APP: variants seen among roughly 807,000 people sequenced by gnomAD.
The protein encoded by APP is amyloid-beta precursor protein.
Under a neutral mutation model 101.4 loss-of-function variants are expected in APP, and 31 were observed. The observed-to-expected ratio is 0.31, with a 90% CI of 0.23 to 0.41. The LOEUF is 0.41. APP is among the 10% of genes least tolerant of loss of function. The pLI is 1.00. For missense variants in APP, 839 were observed against 1,003.7 expected, an observed-to-expected ratio of 0.84 and a Z score of 2.22; for synonymous variants, 366 against 364.4, an observed-to-expected ratio of 1.00 and a Z score of -0.05.
intron 1 of APP, among the ~76,000 whole-genome samples, chr21:26,143,044 T>A (rs564209346): frequency 6.6e-6 from 1 of 152,326 alleles, no homozygotes; most frequent in Non-Finnish European, 1.5e-5. Flanking sequence ...ATAAACAATG[T>A]GGTGGAGTGG....
intron 13 of APP, among the ~76,000 whole-genome samples, chr21:25,951,394 T>C (rs111926107): frequency 8.5e-5 from 13 of 152,226 alleles, no homozygotes; most frequent in African/African-American, 2.9e-4. Flanking sequence ...AAAGCAACTG[T>C]TACCATTATT....
At chr21:26,111,376 T>G (rs543963926) in intron 2 of APP, among the ~76,000 whole-genome samples, 2 of 152,158 alleles carry the variant, frequency 1.3e-5, no homozygotes, top group East Asian at 3.9e-4. Context: ...AGAAAAAAAT[T>G]AATGCTAGCA....
At chr21:25,960,929 C>T (rs944793851) in intron 11 of APP, among the ~76,000 whole-genome samples, 3 of 152,116 alleles carry the variant, frequency 2.0e-5, no homozygotes, top group East Asian at 1.9e-4. Context: ...CTTTGTTGGA[C>T]GGTAGGCAAA....
At chr21:25,953,174 C>T (rs1052019710) in intron 13 of APP, among the ~76,000 whole-genome samples, 2 of 152,158 alleles carry the variant, frequency 1.3e-5, no homozygotes, top group Non-Finnish European at 2.9e-5. Flanking sequence ...CTCAGGTGAT[C>T]TGCTCACCTT....
intron 6 of APP, among the ~76,000 whole-genome samples, chr21:26,015,332 A>C (rs1284341986): frequency 6.6e-6 from 1 of 152,236 alleles, no homozygotes; most frequent in East Asian, 1.9e-4. Flanking sequence ...AATTATGCAA[A>C]GTGTTTCCTA....
At chr21:26,023,834 C>T (rs1306900575) in intron 5 of APP, among the ~76,000 whole-genome samples, 37 of 152,156 alleles carry the variant, frequency 2.4e-4, no homozygotes, top group Non-Finnish European at 1.5e-5. Flanking sequence ...AATACTGATG[C>T]TGGTGGTCAG....
At chr21:26,104,155 G>A (rs1448158576) in intron 2 of APP, among the ~76,000 whole-genome samples, 1 of 152,040 alleles carries the variant, frequency 6.6e-6, no homozygotes, top group Admixed American at 6.6e-5. Context: ...GTTCCATCAC[G>A]GGGGCACATA....
rs531506400 is a variant in APP, at chr21:26,075,959, T to C, written c.355+13984A>G. ...TCCAGGCTGGCGTGCAGTGGCGCGA[T>C]CTCGGCTCACTGCAATCTCCGCTTC... is the stretch of plus-strand genomic sequence containing the variant. On this transcript the variant is annotated intron_variant, in intron 3 of 17. Transcript: ENST00000346798. Among the ~76,000 whole-genome samples the C allele has an allele frequency of 9.4e-4, 143 of 152,312 alleles. 1 individual carries two copies. The highest frequency in any genetic ancestry group is 1.6e-3 in the Non-Finnish European group (108 of 68,032).
At position 25,999,248 on chromosome 21, in the gene APP, C is replaced by T. The variant is rs143625119; in HGVS notation, c.1033+767G>A. ...CGGAGGTTGCAGTGAGCCAAGATCA[C>T]GCCATTGCACTCCAGCCTGTGAGAC... On this transcript the variant is annotated intron_variant, in intron 7 of 17. Transcript: ENST00000346798. Among the ~76,000 whole-genome samples, 828 of 152,134 alleles carry T rather than the reference C, an allele frequency of 5.4e-3. 6 individuals are homozygous for T. Among genetic ancestry groups the T allele is most frequent in the African/African-American group, 0.013 (552 of 41,506 alleles).
At chr21:25,969,839 GAAAAGAAAAGAAAAC>G (rs1163848319) in intron 11 of APP, among the ~76,000 whole-genome samples, 7 of 119,132 alleles carry the variant, frequency 5.9e-5, no homozygotes, top group South Asian at 6.5e-4. Context: ...ACCCTGAAAA[GAAAAGAAAAGAAAAC>G]AAAAGAAAAG....
chr21:25,992,266 T>C (rs1162578564), intron 8 of APP, among the ~76,000 whole-genome samples: 1 of 151,918 alleles, frequency 6.6e-6, no homozygotes, highest in Admixed American at 6.6e-5. Flanking sequence ...CGCCTGTCAT[T>C]CATTCCAGCT....
At chr21:26,135,934 C>T (rs2062888324) in intron 1 of APP, among the ~76,000 whole-genome samples, 1 of 151,668 alleles carries the variant, frequency 6.6e-6, no homozygotes, top group South Asian at 2.1e-4. Flanking sequence ...AAGTTCGAGA[C>T]CAGCCTGAAC....
intron 13 of APP, among the ~76,000 whole-genome samples, chr21:25,914,044 T>C (rs983902694): frequency 2.0e-5 from 3 of 152,148 alleles, no homozygotes; most frequent in Admixed American, 6.5e-5. Flanking sequence ...GGTACACAAC[T>C]GTACTCAAGG....
chr21:25,936,780 G>C (rs544119141), intron 13 of APP, among the ~76,000 whole-genome samples: 5 of 152,296 alleles, frequency 3.3e-5, no homozygotes, highest in Non-Finnish European at 5.9e-5. Flanking sequence ...AGCCCTAGCA[G>C]ACTAATGCAT....
At chr21:25,890,393 G>A (rs1377972834) in intron 17 of APP, among the ~76,000 whole-genome samples, 2 of 152,154 alleles carry the variant, frequency 1.3e-5, no homozygotes, top group African/African-American at 2.4e-5. Context: ...CCATTTCCTT[G>A]GGGATAGTGG....
chr21:25,959,172 C>T (rs2041466746), intron 11 of APP, among the ~76,000 whole-genome samples: 1 of 152,252 alleles, frequency 6.6e-6, no homozygotes, highest in African/African-American at 2.4e-5. Context: ...CCGTGGCTCA[C>T]GCCTGTAATC....
chr21:26,034,926 T>C (rs1388816830), intron 5 of APP, among the ~76,000 whole-genome samples: 1 of 152,072 alleles, frequency 6.6e-6, no homozygotes, highest in Non-Finnish European at 1.5e-5. Flanking sequence ...ATGTGATTCA[T>C]TTCAGAATGG....
chr21:25,946,754 G>A (rs1444611069), intron 13 of APP, among the ~76,000 whole-genome samples: 1 of 152,084 alleles, frequency 6.6e-6, no homozygotes, highest in Admixed American at 6.6e-5. Flanking sequence ...GAATCTGAAC[G>A]TACATCATTT....
chr21:25,938,793 CA>C (rs1019459579), intron 13 of APP, among the ~76,000 whole-genome samples: 4 of 152,132 alleles, frequency 2.6e-5, no homozygotes, highest in African/African-American at 9.7e-5. Context: ...GCTGATGGCA[CA>C]AAAGTGCAGA....
Sources: allele counts gnomAD v4.1 joint callset (sites outside exome capture counted in the v4.1 genomes callset), GRCh38; gene constraint gnomAD v4.1.1; transcripts MANE v1.5; gene names NCBI Gene and HGNC (gene_info 2026-07-23, HGNC 2026-07-21).